NAALADL2: variants seen among roughly 807,000 people sequenced by gnomAD.
The protein encoded by NAALADL2 is N-acetylated alpha-linked acidic dipeptidase like 2.
In NAALADL2, 76 loss-of-function variants were observed where a neutral mutation model predicts 87.2. That is an observed-to-expected ratio of 0.87 (90% CI 0.72 to 1.05). NAALADL2 has a LOEUF of 1.05. NAALADL2 is among the 50% of genes least tolerant of loss of function. The pLI, the probability that NAALADL2 is intolerant of heterozygous loss-of-function variation, is 0.00. For synonymous variants in NAALADL2, 354 were observed against 331.0 expected (o/e 1.07, Z -0.75); for missense variants, 1,089 against 945.8 (o/e 1.15, Z -1.99).
chr3:175,667,261 G>T (rs1164886643), intron 11 of NAALADL2, among the ~76,000 whole-genome samples: 1 of 143,454 alleles, frequency 7.0e-6, no homozygotes, highest in African/African-American at 2.9e-5. Context: ...AAGAAAGAAA[G>T]AAAGGAAGGA....
intron 1 of NAALADL2, among the ~76,000 whole-genome samples, chr3:174,947,775 T>C (rs180964179): frequency 2.6e-5 from 4 of 152,042 alleles, no homozygotes; most frequent in African/African-American, 4.8e-5. Flanking sequence ...CATACACATA[T>C]GTGCACACAT....
intron 13 of NAALADL2, among the ~76,000 whole-genome samples, chr3:175,772,823 C>T (rs77953851): frequency 6.6e-6 from 1 of 152,144 alleles, no homozygotes; most frequent in Non-Finnish European, 1.5e-5. Context: ...TGTAACCTAA[C>T]TTCTGTGACA....
At chr3:175,333,129 G>A (rs1317368301) in intron 5 of NAALADL2, among the ~76,000 whole-genome samples, 3 of 152,202 alleles carry the variant, frequency 2.0e-5, no homozygotes, top group Non-Finnish European at 4.4e-5. Context: ...AGCAGTGGCA[G>A]GATAAACCTC....
chr3:174,987,641 A>G (rs1746113923), intron 1 of NAALADL2, among the ~76,000 whole-genome samples: 1 of 142,050 alleles, frequency 7.0e-6, no homozygotes, highest in African/African-American at 2.6e-5. Context: ...TTTTTTTTGA[A>G]GTTATAGACA....
intron 11 of NAALADL2, among the ~76,000 whole-genome samples, chr3:175,629,554 G>C (rs1325535701): frequency 2.6e-5 from 4 of 151,404 alleles, no homozygotes; most frequent in African/African-American, 9.7e-5. Context: ...GTAAAATCAA[G>C]GATTTTTGTG....
chr3:174,847,289 A>C (rs1724731575), intron 3 of NAALADL2, among the ~76,000 whole-genome samples: 1 of 152,164 alleles, frequency 6.6e-6, no homozygotes, highest in African/African-American at 2.4e-5. Flanking sequence ...AAAAAACCCC[A>C]ACCTGGGATT....
chr3:174,986,080 T>G (rs1443520919), intron 1 of NAALADL2, among the ~76,000 whole-genome samples: 1 of 152,016 alleles, frequency 6.6e-6, no homozygotes, highest in Non-Finnish European at 1.5e-5. Flanking sequence ...AAGTCCTTTT[T>G]AGGCAATAAA....
chr3:174,680,758 T>C (rs1727462026), intron 2 of NAALADL2, among the ~76,000 whole-genome samples: 1 of 152,126 alleles, frequency 6.6e-6, no homozygotes, highest in African/African-American at 2.4e-5. Flanking sequence ...ACTTAGAAAA[T>C]AAGGAGAAGG....
intron 3 of NAALADL2, among the ~76,000 whole-genome samples, chr3:175,248,226 A>G (rs1202272408): frequency 6.6e-6 from 1 of 152,176 alleles, no homozygotes; most frequent in Non-Finnish European, 1.5e-5. Context: ...AATGTTACTT[A>G]CCATCTCCTT....
chr3:174,960,260 G>A (rs1471108850), intron 1 of NAALADL2, among the ~76,000 whole-genome samples: 1 of 152,032 alleles, frequency 6.6e-6, no homozygotes, highest in Non-Finnish European at 1.5e-5. Flanking sequence ...GATTGTTGAA[G>A]TTCTTTTTAG....
chr3:175,258,322 ACC>A (rs1491391606), intron 4 of NAALADL2, among the ~76,000 whole-genome samples: 2,774 of 107,220 alleles, frequency 0.026, 163 homozygotes, highest in African/African-American at 0.11. Context: ...CGCCCCCACC[ACC>A]AAAAAAAAAA....
intron 1 of NAALADL2, among the ~76,000 whole-genome samples, chr3:174,889,452 C>T (rs1456744998): frequency 1.3e-5 from 2 of 152,016 alleles, no homozygotes; most frequent in African/African-American, 4.8e-5. Flanking sequence ...CCTTTAGTTC[C>T]CTGCTTCCTC....
Position 175,350,462 on chromosome 3 carries a change from ACT to A in NAALADL2, c.1090+26140_1090+26141del, listed in dbSNP as rs533509577. 2.1e-3 allele frequency among the ~76,000 whole-genome samples: 327 copies of A among 152,178 alleles called. 3 individuals carry two copies. Among genetic ancestry groups the A allele is most frequent in the African/African-American group, 7.0e-3 (290 of 41,534 alleles). On this transcript the variant is annotated intron_variant, in intron 5 of 13. Transcript: ENST00000454872. ...TTCAGAATGCACATGGGCCTCTGAA[ACT>A]CTGATGGGCAAACATGTTTCAAAGG...
chr3:174,681,542 C>A (rs1285845137), intron 2 of NAALADL2, among the ~76,000 whole-genome samples: 2 of 152,114 alleles, frequency 1.3e-5, no homozygotes, highest in African/African-American at 4.8e-5. Context: ...ACCTGATACC[C>A]CCATTCCAGG....
rs188067227 is a variant in NAALADL2 at position 174,787,422 on chromosome 3, A to G, written c.-9+49676A>G. On this transcript the variant is annotated intron_variant, in intron 3 of 3. Transcript: ENST00000434257. Reference sequence around the variant, plus strand: ...TAATACTTCTTTTAAATTGCTTTTAAGAGTTGAAACTATTAAGACTACAGG... The same window carrying G: ...TAATACTTCTTTTAAATTGCTTTTAGGAGTTGAAACTATTAAGACTACAGG... Among the ~76,000 whole-genome samples the G allele has an allele frequency of 4.6e-5, 7 of 151,098 alleles. No individual in the cohort carries two copies. In the Admixed American group the frequency reaches 4.6e-4, roughly 10 times the overall value.
intron 3 of NAALADL2, among the ~76,000 whole-genome samples, chr3:174,847,880 A>G (rs979034280): frequency 6.6e-6 from 1 of 151,588 alleles, no homozygotes; most frequent in Non-Finnish European, 1.5e-5. Context: ...TGAACATAGA[A>G]TTTCTCTTCA....
chr3:175,016,300 A>T (rs2108839843), intron 1 of NAALADL2, among the ~76,000 whole-genome samples: 1 of 149,432 alleles, frequency 6.7e-6, no homozygotes, highest in African/African-American at 2.4e-5. Flanking sequence ...AATTTTAGTA[A>T]TAAAATGTAG....
In NAALADL2 at chr3:175,571,732, A is replaced by G. The variant is rs115033744; in HGVS notation, c.1654-4309A>G. Among the ~76,000 whole-genome samples, 544 of 152,332 alleles carry G rather than the reference A, an allele frequency of 3.6e-3. 4 individuals are homozygous for G. Among genetic ancestry groups the G allele is most frequent in the African/African-American group, 0.012 (515 of 41,576 alleles). ...AATGAATAATGAAGATTTAGAGAAT[A>G]GTGTTTCTATGCCAGGAATGTTTTT... is the stretch of plus-strand genomic sequence containing the variant. On this transcript the variant is annotated intron_variant, in intron 9 of 13. Coordinates refer to ENST00000454872, the MANE Select transcript of NAALADL2 (RefSeq NM_207015.3).
At chr3:175,760,811 G>A (rs553034501) in intron 13 of NAALADL2, among the ~76,000 whole-genome samples, 63 of 152,234 alleles carry the variant, frequency 4.1e-4, no homozygotes, top group African/African-American at 1.3e-3. Flanking sequence ...GCAGAGCAAC[G>A]AGTCTGCCCT....
Sources: allele counts gnomAD v4.1 joint callset (sites outside exome capture counted in the v4.1 genomes callset), GRCh38; gene constraint gnomAD v4.1.1; transcripts MANE v1.5; gene names NCBI Gene and HGNC (gene_info 2026-07-23, HGNC 2026-07-21).